The following CTNNA3 variants were observed in gnomAD, a reference collection of about 807,000 sequenced individuals.
The protein encoded by CTNNA3 is catenin alpha 3.
Under a neutral mutation model 95.7 loss-of-function variants are expected in CTNNA3, and 76 were observed. The observed-to-expected ratio is 0.79, with a 90% CI of 0.66 to 0.96. The LOEUF is 0.96. Ranked by LOEUF, CTNNA3 falls within the 40% of genes least tolerant of loss-of-function variation. The probability of loss-of-function intolerance (pLI) is 0.00; values close to 1 mark genes in which losing one functional copy is unlikely to be tolerated. For synonymous variants in CTNNA3, 431 were observed against 374.4 expected (o/e 1.15, Z -1.74); for missense variants, 1,191 against 1,089.8 (o/e 1.09, Z -1.31).
intron 2 of CTNNA3, among the ~76,000 whole-genome samples, chr10:67,640,245 C>A (rs1839481176): frequency 6.6e-6 from 1 of 152,116 alleles, no homozygotes; most frequent in African/African-American, 2.4e-5. Context: ...GAGTGAACTC[C>A]CATTCACAAT....
At chr10:66,894,768 A>G (rs1488457191) in intron 7 of CTNNA3, among the ~76,000 whole-genome samples, 5 of 152,094 alleles carry the variant, frequency 3.3e-5, no homozygotes, top group African/African-American at 1.2e-4. Flanking sequence ...TCAACAAAGA[A>G]AGGAAAGACA....
chr10:67,415,948 A>C (rs1441236022), intron 5 of CTNNA3, among the ~76,000 whole-genome samples: 1 of 152,226 alleles, frequency 6.6e-6, no homozygotes, highest in Non-Finnish European at 1.5e-5. Context: ...AGCCATATGC[A>C]GAAGACTGAA....
intron 10 of CTNNA3, among the ~76,000 whole-genome samples, chr10:66,598,882 A>G (rs1843817863): frequency 6.6e-6 from 1 of 151,958 alleles, no homozygotes; most frequent in Non-Finnish European, 1.5e-5. Context: ...TTTTTTACAG[A>G]AAGAGAAAAA....
At chr10:66,965,743 T>C (rs1335263643) in intron 7 of CTNNA3, among the ~76,000 whole-genome samples, 1 of 152,088 alleles carries the variant, frequency 6.6e-6, no homozygotes, top group Non-Finnish European at 1.5e-5. Context: ...TTTATTTCTT[T>C]GCTCAGTCAA....
At chr10:67,702,273 G>A (rs1841045719) in intron 1 of CTNNA3, among the ~76,000 whole-genome samples, 1 of 152,010 alleles carries the variant, frequency 6.6e-6, no homozygotes, top group Admixed American at 6.6e-5. Flanking sequence ...GCACCAAGCG[G>A]ACCTAATAGA....
rs532047987 is a variant in CTNNA3 at position 67,324,816 on chromosome 10, G to A, written c.580-104946C>T. Among the ~76,000 whole-genome samples the A allele has an allele frequency of 8.9e-4, 136 of 152,022 alleles. 1 individual carries two copies. The highest frequency in any genetic ancestry group is 3.0e-3 in the African/African-American group (126 of 41,466). ...GTTTGGAATAGTTTCAGCAGTAATG[G>A]TACCAGCTCTTCCTTGTACATGTGG... is the stretch of plus-strand genomic sequence containing the variant. On this transcript the variant is annotated intron_variant, in intron 5 of 17. Coordinates refer to ENST00000433211, the MANE Select transcript of CTNNA3 (RefSeq NM_013266.4).
chr10:66,837,067 T>A (rs550951416), intron 7 of CTNNA3, among the ~76,000 whole-genome samples: 1 of 152,166 alleles, frequency 6.6e-6, no homozygotes, highest in South Asian at 2.1e-4. Flanking sequence ...GGTAAAAAAA[T>A]TCCTGATCAA....
chr10:66,386,756 C>T (rs1490359570), intron 11 of CTNNA3, among the ~76,000 whole-genome samples: 4 of 151,998 alleles, frequency 2.6e-5, no homozygotes, highest in Non-Finnish European at 5.9e-5. Context: ...GATATATAGA[C>T]CAATGGAACA....
chr10:67,274,798 A>G (rs915110597), intron 5 of CTNNA3, among the ~76,000 whole-genome samples: 9 of 152,190 alleles, frequency 5.9e-5, no homozygotes, highest in Admixed American at 5.2e-4. Context: ...ATGGCACTCC[A>G]GGCTGAGGGA....
chr10:65,925,493 T>C (rs1202798155), intron 17 of CTNNA3, among the ~76,000 whole-genome samples: 2 of 152,096 alleles, frequency 1.3e-5, no homozygotes, highest in Non-Finnish European at 2.9e-5. Context: ...CTGGAGTGCA[T>C]TGGTGTGATC....
intron 7 of CTNNA3, among the ~76,000 whole-genome samples, chr10:67,057,504 G>C (rs1178047711): frequency 1.3e-5 from 2 of 152,006 alleles, no homozygotes; most frequent in African/African-American, 4.8e-5. Context: ...CATATAAGTG[G>C]GACCATGCAG....
At chr10:67,460,901 A>C (rs1345807041) in intron 5 of CTNNA3, among the ~76,000 whole-genome samples, 1 of 152,224 alleles carries the variant, frequency 6.6e-6, no homozygotes, top group Non-Finnish European at 1.5e-5. Flanking sequence ...TAAATTACTA[A>C]GGTAATAATG....
intron 13 of CTNNA3, among the ~76,000 whole-genome samples, chr10:66,130,340 C>G (rs944102038): frequency 2.0e-5 from 3 of 151,070 alleles, no homozygotes; most frequent in African/African-American, 7.3e-5. Flanking sequence ...CCAAAGCTAG[C>G]AGAAGACAAG....
chr10:66,926,275 C>T, intron 7 of CTNNA3: 1 of 488,002 alleles, frequency 2.0e-6, no homozygotes, highest in Non-Finnish European at 3.8e-6. Context: ...TTTTTTTAAC[C>T]GCCCCCTCCC....
At chr10:67,147,537 A>C (rs2132057689) in intron 7 of CTNNA3, among the ~76,000 whole-genome samples, 1 of 152,368 alleles carries the variant, frequency 6.6e-6, no homozygotes, top group Admixed American at 6.5e-5. Flanking sequence ...AGCCTGCTAG[A>C]TCTAACAGTA....
intron 5 of CTNNA3, among the ~76,000 whole-genome samples, chr10:67,466,628 A>G (rs1847604110): frequency 6.6e-6 from 1 of 152,230 alleles, no homozygotes; most frequent in Non-Finnish European, 1.5e-5. Context: ...TGCTATATCC[A>G]AAGCGGGACA....
chr10:66,203,224 A>G (rs1017154807), intron 13 of CTNNA3, among the ~76,000 whole-genome samples: 3 of 152,210 alleles, frequency 2.0e-5, no homozygotes, highest in African/African-American at 7.2e-5. Flanking sequence ...GGAAATCATT[A>G]ATGACGTTAG....
At chr10:67,070,859 C>A (rs1303244328) in intron 7 of CTNNA3, among the ~76,000 whole-genome samples, 1 of 152,068 alleles carries the variant, frequency 6.6e-6, no homozygotes, top group East Asian at 1.9e-4. Flanking sequence ...TTACTATATT[C>A]TTTTTTTCTC....
Position 65,988,801 on chromosome 10 carries a change from G to GA in CTNNA3, c.2160-5dup. ...ATGCTTTAGTGGTCCTTTGCCCCTG[G>GA]AAAAAAATTTATATATGTTAGCTGT... On this transcript the variant is annotated splice_polypyrimidine_tract_variant and splice_region_variant and intron_variant, in intron 15 of 17. Transcript: ENST00000433211. 3.1e-6 allele frequency: 5 copies of GA among 1,607,274 alleles called. No homozygotes were observed. Among genetic ancestry groups the GA allele is most frequent in the African/African-American group, 1.3e-5 (1 of 74,732 alleles).
Sources: allele counts gnomAD v4.1 joint callset (sites outside exome capture counted in the v4.1 genomes callset), GRCh38; gene constraint gnomAD v4.1.1; transcripts MANE v1.5; gene names NCBI Gene and HGNC (gene_info 2026-07-23, HGNC 2026-07-21).